Variants in AGAP6 observed in about 807,000 individuals in gnomAD.
AGAP6 encodes arf-GAP with GTPase, ANK repeat and PH domain-containing protein 6.
AGAP6 carries 29 observed loss-of-function variants against 63.9 expected under a neutral mutation model. That is an observed-to-expected ratio of 0.45 (90% CI 0.34 to 0.62). The LOEUF is 0.62. AGAP6 is among the 20% of genes least tolerant of loss of function. AGAP6 has a pLI of 0.01. For missense variants in AGAP6, 493 were observed against 884.9 expected (o/e 0.56, Z 5.62); for synonymous variants, 199 against 332.9 (o/e 0.60, Z 4.38).
At chr10:50,003,645 C>T (rs1283383961) in intron 5 of AGAP6, among the ~76,000 whole-genome samples, 1 of 152,114 alleles carries the variant, frequency 6.6e-6, no homozygotes, top group Non-Finnish European at 1.5e-5. Flanking sequence ...TAAAATGTCT[C>T]ATGTTGAAGA....
intron 3 of AGAP6, among the ~76,000 whole-genome samples, chr10:49,993,763 T>C (rs1482175412): frequency 1.4e-5 from 2 of 145,378 alleles, no homozygotes; most frequent in Non-Finnish European, 3.0e-5. Flanking sequence ...GAGGTTGCAG[T>C]GAGCTGAGAT....
intron 6 of AGAP6, 98 bp from the exon 7 acceptor site, chr10:50,007,922 GGTAAA>G (rs1452644525): frequency 1.3e-6 from 2 of 1,597,380 alleles, no homozygotes; most frequent in Non-Finnish European, 1.7e-6. Context: ...AAACTGCTTT[GGTAAA>G]GTAAACACCA....
In AGAP6 at chr10:50,009,170, A is replaced by T; in HGVS notation, c.1045A>T (p.Thr349Ser). The change falls in exon 8 of 8, where the codon ACA becomes TCA. Residue 349 changes from threonine (T) to serine (S), a missense_variant. This residue lies in a region of AGAP6 where 342 missense variants were observed against 533.4 expected (regional missense o/e 0.64). Transcript: ENST00000412531. ...CCCAGGAAAGTGGCCATCCCTAGCC[A>T]CATCGGCCTGCACACCCATCTCCAG... ...KVPGKWPSLA[T>S]SACTPISSSK... is the part of the protein sequence containing the mutation. The T allele has an allele frequency of 6.2e-7, 1 of 1,614,238 alleles. No homozygotes were observed. Among genetic ancestry groups the T allele is most frequent in the Non-Finnish European group, 8.5e-7 (1 of 1,180,036 alleles).
intron 6 of AGAP6, among the ~76,000 whole-genome samples, chr10:50,007,392 CAAAAAAAAA>C (rs782611919): frequency 2.3e-4 from 2 of 8,584 alleles, no homozygotes; most frequent in African/African-American, 6.3e-4. Flanking sequence ...AACTTGGTCT[CAAAAAAAAA>C]AAAAAAAAAA....
chr10:50,001,056 C>T (rs1252895850), intron 4 of AGAP6, among the ~76,000 whole-genome samples: 5 of 152,114 alleles, frequency 3.3e-5, no homozygotes, highest in East Asian at 1.9e-4. Flanking sequence ...AAGGGCTGGG[C>T]GCCGTGGCTT....
At chr10:49,997,754 C>G (rs1287086227) in intron 4 of AGAP6, among the ~76,000 whole-genome samples, 1 of 149,934 alleles carries the variant, frequency 6.7e-6, no homozygotes, top group Non-Finnish European at 1.5e-5. Context: ...TCCGCTGAAC[C>G]CAATTTGTAG....
Position 50,008,931 on chromosome 10 carries a change from C to T in AGAP6, c.806C>T (p.Pro269Leu), listed in dbSNP as rs534180271. The change falls in exon 8 of 8, where the codon CCG (proline) becomes CTG (leucine). Residue 269 changes from proline (P) to leucine (L), a missense_variant. By Grantham distance (98) the Pro-to-Leu change is moderately conservative. This residue lies in a region of AGAP6 where 342 missense variants were observed against 533.4 expected (regional missense o/e 0.64). Transcript: ENST00000412531. Reference protein sequence around the residue: ...GSDPDKERKAPENHADTIGSG... With the variant: ...GSDPDKERKALENHADTIGSG... ...GACCCAGACAAAGAGAGGAAAGCCC[C>T]GGAGAATCATGCTGACACCATCGGG... is the stretch of plus-strand genomic sequence containing the variant. 2.0e-5 allele frequency: 32 copies of T among 1,613,818 alleles called. No individual in the cohort carries two copies. The highest frequency in any genetic ancestry group is 1.0e-4 in the Admixed American group (6 of 59,974).
intron 3 of AGAP6, among the ~76,000 whole-genome samples, chr10:49,992,920 C>G (rs529091786): frequency 9.2e-5 from 14 of 152,338 alleles, no homozygotes; most frequent in African/African-American, 3.4e-4. Flanking sequence ...CACCATAACA[C>G]CTGGCTAATT....
At chr10:49,993,949 A>T (rs1841382720) in intron 3 of AGAP6, among the ~76,000 whole-genome samples, 1 of 152,084 alleles carries the variant, frequency 6.6e-6, no homozygotes. Context: ...GCTTACAGGG[A>T]TTCTGTTGCA....
chr10:49,990,330 A>G (rs1841220318), intron 2 of AGAP6, among the ~76,000 whole-genome samples: 1 of 152,134 alleles, frequency 6.6e-6, no homozygotes, highest in Non-Finnish European at 1.5e-5. Context: ...CTGTAGTTCC[A>G]GCTACTCACA....
Position 50,009,669 on chromosome 10 carries a change from G to A in AGAP6, c.1544G>A (p.Arg515His), listed in dbSNP as rs192536832. 181 of 1,614,218 alleles carry A rather than the reference G, an allele frequency of 1.1e-4. No homozygotes were observed. In the African/African-American group the frequency reaches 1.4e-3, roughly 12 times the overall value. ...IHRSLGPHLS[R>H]VRSLELDDWP... ...CGCAGTCTTGGCCCCCACCTTTCCC[G>A]TGTGCGATCTCTGGAGCTGGATGAC... Residue 515 changes from arginine (R) to histidine (H), a missense_variant, in exon 8 of 8, where the codon CGT (arginine) becomes CAT (histidine). Arg to His is a conservative substitution (Grantham distance 29). Transcript: ENST00000412531.
intron 6 of AGAP6, among the ~76,000 whole-genome samples, chr10:50,007,177 A>G (rs186145354): frequency 4.1e-4 from 62 of 152,068 alleles, no homozygotes; most frequent in Non-Finnish European, 4.7e-4. Context: ...GGATTACCTG[A>G]GGTTAGGAGT....
At position 49,990,544 on chromosome 10, in the gene AGAP6, G is replaced by A. The variant is rs543712560; in HGVS notation, c.293-1132G>A. On this transcript the variant is annotated intron_variant, in intron 2 of 7. Coordinates refer to ENST00000412531, the MANE Select transcript of AGAP6 (RefSeq NM_001077665.3). ...GTAGAAAAGAGAAAACAATTAGTTC[G>A]TTTGCCTCAAAAATTTTGCAAAGAG... Among the ~76,000 whole-genome samples, 62 of 152,328 alleles carry A rather than the reference G, an allele frequency of 4.1e-4. 1 individual carries two copies. Among genetic ancestry groups the A allele is most frequent in the African/African-American group, 1.4e-3 (60 of 41,566 alleles).
intron 2 of AGAP6, among the ~76,000 whole-genome samples, chr10:49,991,413 G>C (rs1415061857): frequency 1.9e-4 from 25 of 133,204 alleles, no homozygotes; most frequent in African/African-American, 6.7e-4. Flanking sequence ...TTTAATAAAG[G>C]AGGGTGTCAT....
intron 5 of AGAP6, among the ~76,000 whole-genome samples, chr10:50,004,314 C>A (rs1841823339): frequency 6.6e-6 from 1 of 150,774 alleles, no homozygotes; most frequent in African/African-American, 2.4e-5. Flanking sequence ...CAAGATGGCA[C>A]CACTGCAGTC....
chr10:49,998,617 G>A lies in AGAP6; in HGVS notation c.397-3379G>A, dbSNP rs1442162597. ...GTACCATGCTATTTTGGCGACTATG[G>A]CCTTATAGTATAGTTTGAAATCAGG... On this transcript the variant is annotated intron_variant, in intron 4 of 7. Coordinates refer to ENST00000412531, the MANE Select transcript of AGAP6 (RefSeq NM_001077665.3). Among the ~76,000 whole-genome samples, 4 of 136,380 alleles carry A rather than the reference G, an allele frequency of 2.9e-5. 1 individual carries two copies. Among genetic ancestry groups the A allele is most frequent in the Non-Finnish European group, 6.2e-5 (4 of 65,038 alleles). 89.5% of individuals were successfully genotyped at this position (136,380 alleles called of 152,430 possible). A position where few individuals can be genotyped will look rare whatever the true frequency, so the allele number is the denominator to read the frequency against.
Position 50,009,917 on chromosome 10 carries a change from G to A in AGAP6, c.1792G>A (p.Glu598Lys). ...GQQLLRATADEDLQTAILLLA... is the reference protein window; with the variant it reads ...GQQLLRATADKDLQTAILLLA... ...GCAGCTGCTGCGGGCCACCGCTGAT[G>A]AGGACCTGCAGACAGCCATCCTGCT... Residue 598 changes from glutamate to lysine, a missense_variant, in exon 8 of 8, where the codon GAG (glutamate) becomes AAG (lysine). Physicochemically the swap from Glu to Lys is moderately conservative, Grantham distance 56. This residue lies in a region of AGAP6 where 34 missense variants were observed against 82.7 expected (regional missense o/e 0.41). Transcript: ENST00000412531. 6.2e-7 allele frequency: 1 copy of A among 1,612,044 alleles called. No individual in the cohort carries two copies. The highest frequency in any genetic ancestry group is 8.5e-7 in the Non-Finnish European group (1 of 1,179,876).
At chr10:49,992,763 T>C (rs1841331422) in intron 3 of AGAP6, among the ~76,000 whole-genome samples, 1 of 137,296 alleles carries the variant, frequency 7.3e-6, no homozygotes, top group Non-Finnish European at 1.6e-5. Flanking sequence ...GGTACCACAC[T>C]TTTTTTTTTT....
At chr10:50,006,297 A>G (rs1368443225) in intron 6 of AGAP6, among the ~76,000 whole-genome samples, 2 of 152,242 alleles carry the variant, frequency 1.3e-5, no homozygotes, top group African/African-American at 4.8e-5. Flanking sequence ...AGTAGAAGGA[A>G]CAAGTTTTTC....
Sources: gnomAD v4.1 joint callset for allele counts (sites outside exome capture counted in the v4.1 genomes callset) on GRCh38, gnomAD v4.1.1 for gene constraint, gnomAD v4.1.1 regional missense constraint, MANE v1.5 for transcripts, NCBI Gene and HGNC (gene_info 2026-07-23, HGNC 2026-07-21) for gene names.